Variants in LGSN observed in about 807,000 individuals in gnomAD.
The protein encoded by LGSN is lengsin.
LGSN carries 21 observed loss-of-function variants against 19.5 expected under a neutral mutation model. The ratio of observed to expected loss-of-function variants is 1.07; its 90% confidence interval spans 0.76 to 1.55. LGSN has a LOEUF of 1.55. LGSN is among the 40% of genes most tolerant of loss of function. LGSN has a pLI of 0.00. For synonymous variants in LGSN, 257 were observed against 215.6 expected (o/e 1.19, Z -1.68); for missense variants, 673 against 608.5 (o/e 1.11, Z -1.12).
the LGSN span, among the ~76,000 whole-genome samples, chr6:63,526,833 A>ATATATATATATATATATATATT: frequency 7.8e-6 from 1 of 128,054 alleles, no homozygotes; most frequent in African/African-American, 3.2e-5. Flanking sequence ...ATATATATAT[A>ATATATATATATATATATATATT]TATTTATTTA....
chr6:63,350,813 C>T, the LGSN span, among the ~76,000 whole-genome samples: 6 of 151,538 alleles, frequency 4.0e-5, no homozygotes, highest in Non-Finnish European at 5.9e-5. Context: ...GATGGTGCCA[C>T]TTCACTCCAG....
upstream of LGSN, among the ~76,000 whole-genome samples, chr6:63,321,253 C>T (rs906962756): frequency 2.1e-4 from 32 of 152,254 alleles, no homozygotes; most frequent in African/African-American, 7.7e-4. Flanking sequence ...ACTTTTACAA[C>T]TTTTTCTTGC....
the LGSN span, among the ~76,000 whole-genome samples, chr6:63,496,116 G>T: frequency 6.6e-6 from 1 of 151,894 alleles, no homozygotes; most frequent in African/African-American, 2.4e-5. Flanking sequence ...AGTAAAGATG[G>T]GATTTCACAT....
chr6:63,495,743 C>G, the LGSN span, among the ~76,000 whole-genome samples: 8 of 150,672 alleles, frequency 5.3e-5, no homozygotes, highest in East Asian at 1.6e-3. Flanking sequence ...AGCCACCATG[C>G]CTGGTCTCAA....
At chr6:63,511,245 TC>T in the LGSN span, among the ~76,000 whole-genome samples, 1 of 103,972 alleles carries the variant, frequency 9.6e-6, no homozygotes, top group African/African-American at 5.8e-5. Context: ...TAAATAGATT[TC>T]TTTTTTTTTT....
the LGSN span, among the ~76,000 whole-genome samples, chr6:63,563,868 A>T: frequency 6.6e-6 from 1 of 152,342 alleles, no homozygotes; most frequent in South Asian, 2.1e-4. Context: ...AAAAACTGGG[A>T]ATAGGATGCC....
the LGSN span, among the ~76,000 whole-genome samples, chr6:63,456,801 G>A: frequency 6.6e-6 from 1 of 152,010 alleles, no homozygotes; most frequent in Non-Finnish European, 1.5e-5. Flanking sequence ...AGCAGAGAAG[G>A]GAAGAAAGCA....
At chr6:63,291,739 T>A (rs1342653105) in intron 2 of LGSN, among the ~76,000 whole-genome samples, 3 of 152,222 alleles carry the variant, frequency 2.0e-5, no homozygotes, top group African/African-American at 7.2e-5. Flanking sequence ...TTCTATGCAG[T>A]ATTTCCCTGC....
rs200774125 is a variant in LGSN at position 63,304,866 on chromosome 6, A to G, written c.31-9821T>C. 9.8e-5 allele frequency among the ~76,000 whole-genome samples: 15 copies of G among 152,318 alleles called. No homozygotes were observed. The East Asian group carries it at 2.9e-3, about 29-fold the overall frequency. The stretch of plus-strand genomic sequence containing the variant: ...CAAAGAAATGCCTGATCGTGAAGAC[A>G]CTATAACCTATCAATAATGTGCTAA... On this transcript the variant is annotated intron_variant, in intron 1 of 3. Coordinates refer to ENST00000370657, the MANE Select transcript of LGSN (RefSeq NM_016571.3).
the LGSN span, among the ~76,000 whole-genome samples, chr6:63,504,684 T>C: frequency 6.6e-6 from 1 of 152,312 alleles, no homozygotes; most frequent in African/African-American, 2.4e-5. Flanking sequence ...CCTCATGTGA[T>C]CCACCCACCT....
At chr6:63,341,413 G>A in the LGSN span, among the ~76,000 whole-genome samples, 1 of 152,248 alleles carries the variant, frequency 6.6e-6, no homozygotes, top group African/African-American at 2.4e-5. Context: ...ATGTGTGTGA[G>A]TGGATCGGTC....
the LGSN span, among the ~76,000 whole-genome samples, chr6:63,466,848 C>G: frequency 5.3e-5 from 8 of 151,940 alleles, no homozygotes; most frequent in Non-Finnish European, 1.2e-4. Context: ...TATTAGACAT[C>G]CAATGAGGAT....
rs1423086905 is a variant in LGSN, at chr6:63,277,799, G to A, written c.*2222C>T. On this transcript the variant is annotated 3_prime_UTR_variant, in exon 4 of 4. Coordinates refer to ENST00000370657, the MANE Select transcript of LGSN (RefSeq NM_016571.3). ...CCGTCATTTAAAAAAATGTTCTAAA[G>A]TGTGGTAGGGCATGGTGGCTCATGC... 1 of 152,382 alleles carries A rather than the reference G, an allele frequency of 6.6e-6. No homozygotes were observed. Among genetic ancestry groups the A allele is most frequent in the Non-Finnish European group, 1.5e-5 (1 of 68,208 alleles). The allele number at this position is 152,382 out of a possible 1,614,324, so 9.4% of individuals were successfully genotyped here.
At chr6:63,381,261 A>T in the LGSN span, among the ~76,000 whole-genome samples, 1 of 152,190 alleles carries the variant, frequency 6.6e-6, no homozygotes, top group Non-Finnish European at 1.5e-5. Flanking sequence ...AAACATATGG[A>T]TGTCAATTAA....
chr6:63,358,123 G>T, the LGSN span, among the ~76,000 whole-genome samples: 2 of 152,258 alleles, frequency 1.3e-5, no homozygotes, highest in South Asian at 2.1e-4. Flanking sequence ...TGTCAGGTTC[G>T]TCAAAGATCA....
the LGSN span, among the ~76,000 whole-genome samples, chr6:63,423,826 T>C: frequency 2.6e-5 from 4 of 152,108 alleles, no homozygotes; most frequent in African/African-American, 9.7e-5. Context: ...TCATTTGATG[T>C]TAGGAGTTCG....
intron 1 of LGSN, among the ~76,000 whole-genome samples, 198 bp from the exon 2 acceptor site, chr6:63,295,243 T>G (rs1231819896): frequency 6.6e-6 from 1 of 152,224 alleles, no homozygotes; most frequent in Middle Eastern, 3.2e-3. Context: ...ATAGGCCAGA[T>G]AGTCTCTATC....
chr6:63,331,245 T>C, the LGSN span, among the ~76,000 whole-genome samples: 218 of 152,302 alleles, frequency 1.4e-3, no homozygotes, highest in Non-Finnish European at 2.2e-3. Context: ...TGCATAGTTG[T>C]GTATTCTCCC....
At chr6:63,359,910 C>T in the LGSN span, among the ~76,000 whole-genome samples, 1 of 152,056 alleles carries the variant, frequency 6.6e-6, no homozygotes, top group African/African-American at 2.4e-5. Context: ...TTTATTTCTC[C>T]TTCACTTATG....
Sources: allele counts gnomAD v4.1 joint callset (sites outside exome capture counted in the v4.1 genomes callset), GRCh38; gene constraint gnomAD v4.1.1; transcripts MANE v1.5; gene names NCBI Gene and HGNC (gene_info 2026-07-23, HGNC 2026-07-21).